Variants in ESR1 observed in about 807,000 individuals in gnomAD.
ESR1 encodes estrogen receptor.
In ESR1, 12 loss-of-function variants were observed where a neutral mutation model predicts 52.7. The observed-to-expected ratio is 0.23, with a 90% CI of 0.15 to 0.37. The LOEUF is 0.37. Ranked by LOEUF, ESR1 falls within the 10% of genes least tolerant of loss-of-function variation. The probability of loss-of-function intolerance (pLI) is 1.00; values close to 1 mark genes in which losing one functional copy is unlikely to be tolerated. For missense variants in ESR1, 584 were observed against 779.7 expected (o/e 0.75, Z 2.99); for synonymous variants, 305 against 316.8 (o/e 0.96, Z 0.39).
chr6:151,889,084 AT>A (rs1475466997), intron 3 of ESR1, among the ~76,000 whole-genome samples: 4 of 151,970 alleles, frequency 2.6e-5, no homozygotes, highest in Non-Finnish European at 5.9e-5. Context: ...TTTGTTGTGG[AT>A]TTTTGCATCT....
chr6:151,927,674 C>T (rs1372738593), intron 3 of ESR1, among the ~76,000 whole-genome samples: 1 of 151,906 alleles, frequency 6.6e-6, no homozygotes, highest in African/African-American at 2.4e-5. Context: ...AGAGACCAGT[C>T]GTGGTGACTT....
At chr6:152,121,465 G>A (rs1019558147) in intron 6 of ESR1, among the ~76,000 whole-genome samples, 2 of 152,182 alleles carry the variant, frequency 1.3e-5, no homozygotes, top group African/African-American at 4.8e-5. Context: ...GAATTCAGGA[G>A]ATTTGATTGA....
downstream of ESR1, among the ~76,000 whole-genome samples, chr6:152,103,489 A>G (rs1272500653): frequency 2.6e-5 from 4 of 152,196 alleles, no homozygotes; most frequent in Non-Finnish European, 4.4e-5. Context: ...TGGCTTCACC[A>G]CTTACAAATT....
At chr6:151,874,723 T>C (rs1362073366) in intron 2 of ESR1, among the ~76,000 whole-genome samples, 1 of 152,220 alleles carries the variant, frequency 6.6e-6, no homozygotes, top group Non-Finnish European at 1.5e-5. Context: ...ATATGCCTTT[T>C]CTTCAGCCTT....
intron 1 of ESR1, among the ~76,000 whole-genome samples, chr6:151,825,630 G>C (rs1327570090): frequency 6.6e-6 from 1 of 152,076 alleles, no homozygotes; most frequent in African/African-American, 2.4e-5. Flanking sequence ...ATGTGTTGTT[G>C]GCCAGGTATG....
intron 5 of ESR1, among the ~76,000 whole-genome samples, chr6:152,015,329 C>A (rs904349002): frequency 2.0e-5 from 3 of 152,148 alleles, no homozygotes; most frequent in African/African-American, 7.2e-5. Flanking sequence ...ATAAAATCTT[C>A]CTTCAAACTT....
intron 1 of ESR1, among the ~76,000 whole-genome samples, chr6:151,831,281 T>G (rs946501871): frequency 3.9e-5 from 6 of 151,954 alleles, no homozygotes; most frequent in Admixed American, 1.3e-4. Flanking sequence ...TAGCTAGAAT[T>G]ATAGGTGCAC....
intron 6 of ESR1, among the ~76,000 whole-genome samples, chr6:152,065,622 A>T (rs2047905182): frequency 6.6e-6 from 1 of 152,074 alleles, no homozygotes; most frequent in African/African-American, 2.4e-5. Flanking sequence ...AACTTTATCT[A>T]CTTCTCTCCC....
chr6:151,819,774 C>G (rs1279165250), intron 1 of ESR1, among the ~76,000 whole-genome samples: 1 of 152,188 alleles, frequency 6.6e-6, no homozygotes, highest in Non-Finnish European at 1.5e-5. Context: ...AAACCATCCC[C>G]AGTTCCATCT....
chr6:151,987,353 G>A (rs1034814264), intron 4 of ESR1, among the ~76,000 whole-genome samples: 1 of 152,040 alleles, frequency 6.6e-6, no homozygotes, highest in African/African-American at 2.4e-5. Context: ...CTGCCTCCTG[G>A]GTTCAAGTGA....
intron 2 of ESR1, among the ~76,000 whole-genome samples, chr6:151,850,845 T>C (rs73619804): frequency 0.06 from 9,067 of 152,260 alleles, 438 homozygotes; most frequent in East Asian, 0.2. Flanking sequence ...CCACTTACCA[T>C]TGCTGAGTTA....
At chr6:152,084,719 A>C (rs1376418141) in intron 6 of ESR1, among the ~76,000 whole-genome samples, 1 of 150,972 alleles carries the variant, frequency 6.6e-6, no homozygotes, top group Non-Finnish European at 1.5e-5. Flanking sequence ...AAAAAAAAAA[A>C]CAGTTATTCA....
rs147870048 is a variant in ESR1, at chr6:151,877,348, C to T, written c.644-3307C>T. Among the ~76,000 whole-genome samples, 420 of 152,224 alleles carry T rather than the reference C, an allele frequency of 2.8e-3. 4 individuals are homozygous for T. The highest frequency in any genetic ancestry group is 0.018 in the Admixed American group (282 of 15,290). On this transcript the variant is annotated intron_variant, in intron 2 of 7. Coordinates refer to ENST00000206249, the MANE Select transcript of ESR1 (RefSeq NM_000125.4). ...TACTTTGTTGTTTTTCTTCTTCTGA[C>T]GTGAGCTGAAGACTTAGAAATAGTT...
At chr6:151,862,888 G>A (rs1327241510) in intron 2 of ESR1, among the ~76,000 whole-genome samples, 1 of 152,084 alleles carries the variant, frequency 6.6e-6, no homozygotes, top group Admixed American at 6.6e-5. Flanking sequence ...AAAGAAGATT[G>A]TAGATGCCAG....
chr6:151,790,371 T>C (rs1448107792), intron 2 of ESR1, among the ~76,000 whole-genome samples: 1 of 152,208 alleles, frequency 6.6e-6, no homozygotes, highest in African/African-American at 2.4e-5. Flanking sequence ...GTCCACCAAT[T>C]CTTGGCAGAC....
At chr6:151,902,126 C>T (rs1024856071) in intron 3 of ESR1, among the ~76,000 whole-genome samples, 3 of 152,146 alleles carry the variant, frequency 2.0e-5, no homozygotes, top group Non-Finnish European at 4.4e-5. Context: ...GTGTTGTTGA[C>T]ACAGGGGATT....
downstream of ESR1, among the ~76,000 whole-genome samples, chr6:152,104,210 G>A (rs980874185): frequency 5.3e-5 from 8 of 152,148 alleles, no homozygotes; most frequent in African/African-American, 1.9e-4. Flanking sequence ...AGGATGGGTT[G>A]AGGGTCTTCT....
At chr6:151,991,134 T>C (rs996753551) in intron 4 of ESR1, among the ~76,000 whole-genome samples, 1 of 152,134 alleles carries the variant, frequency 6.6e-6, no homozygotes, top group East Asian at 1.9e-4. Context: ...CCCATTTCAC[T>C]TGGCTCTGTA....
chr6:151,876,495 G>A (rs1791839574), intron 2 of ESR1, among the ~76,000 whole-genome samples: 1 of 152,124 alleles, frequency 6.6e-6, no homozygotes, highest in African/African-American at 2.4e-5. Context: ...TTGAATCTCT[G>A]CATATGTACG....
Sources: allele counts gnomAD v4.1 joint callset (sites outside exome capture counted in the v4.1 genomes callset), GRCh38; gene constraint gnomAD v4.1.1; transcripts MANE v1.5; gene names NCBI Gene and HGNC (gene_info 2026-07-23, HGNC 2026-07-21).